Variants in ARSJ observed in about 807,000 individuals in gnomAD.
ARSJ encodes arylsulfatase J.
Under a neutral mutation model 35.9 loss-of-function variants are expected in ARSJ, and 26 were observed. The ratio of observed to expected loss-of-function variants is 0.72; its 90% CI spans 0.53 to 1.00. ARSJ has a LOEUF of 1.00. ARSJ is among the 50% of genes least tolerant of loss of function. The pLI is 0.00. For missense variants in ARSJ, 667 were observed against 723.6 expected, an observed-to-expected ratio of 0.92 and a Z score of 0.90; for synonymous variants, 294 against 267.6, an observed-to-expected ratio of 1.10 and a Z score of -0.96.
chr4:113,924,022 CATATAT>C (rs200292247), intron 1 of ARSJ, among the ~76,000 whole-genome samples: 2 of 134,440 alleles, frequency 1.5e-5, no homozygotes, highest in African/African-American at 5.8e-5. Context: ...ATAGAATCTA[CATATAT>C]ATATATAAAT....
intron 1 of ARSJ, among the ~76,000 whole-genome samples, chr4:113,942,207 T>C (rs1448497655): frequency 2.0e-5 from 3 of 151,988 alleles, no homozygotes; most frequent in Non-Finnish European, 4.4e-5. Context: ...CTTGAAGATA[T>C]AAACTACCTT....
chr4:113,978,593 A>T lies in ARSJ; in HGVS notation c.242T>A (p.Ile81Asn), dbSNP rs1727738007. Residue 81 changes from isoleucine (I) to asparagine (N), a missense_variant, in exon 1 of 2, where the codon ATC becomes AAC. By Grantham distance (149) the Ile-to-Asn change is moderately radical. Transcript: ENST00000315366. Reference sequence around the variant, plus strand: ...TCTAAATCCCTGATCATCCGCTAGGATGAAAATGAGATGGGGCTGGGAGGT... The same window carrying T: ...TCTAAATCCCTGATCATCCGCTAGGTTGAAAATGAGATGGGGCTGGGAGGT... ...TSTSQPHLIF[I>N]LADDQGFRDV... is the part of the protein sequence containing the mutation. 6.2e-7 allele frequency: 1 copy of T among 1,614,216 alleles called. No individual in the cohort carries two copies. The highest frequency in any genetic ancestry group is 1.6e-4 in the Middle Eastern group (1 of 6,062).
chr4:113,972,293 G>GAAAAAAA lies in ARSJ; in HGVS notation c.398+6137_398+6143dup, dbSNP rs750176630. ...TCATTACTTTCTAAGAGATGATCTG[G>GAAAAAAA]AAAAAAAAAAAAACAAAAAAAAAAA... On this transcript the variant is annotated intron_variant, in intron 1 of 1. Coordinates refer to ENST00000315366, the MANE Select transcript of ARSJ (RefSeq NM_024590.4). Among the ~76,000 whole-genome samples, 22 of 61,624 alleles carry GAAAAAAA rather than the reference G, an allele frequency of 3.6e-4. 1 individual carries two copies. The highest frequency in any genetic ancestry group is 9.2e-4 in the African/African-American group (16 of 17,424). 40.4% of individuals were successfully genotyped at this position (61,624 alleles called of 152,430 possible). A position where few individuals can be genotyped will look rare whatever the true frequency, so the allele number is the denominator to read the frequency against.
At chr4:113,917,202 G>T (rs557963243) in intron 1 of ARSJ, among the ~76,000 whole-genome samples, 35 of 152,244 alleles carry the variant, frequency 2.3e-4, no homozygotes, top group African/African-American at 7.5e-4. Flanking sequence ...GTTTCTTACA[G>T]TGTTGCTTCT....
intron 1 of ARSJ, among the ~76,000 whole-genome samples, chr4:113,922,335 A>C (rs1056899773): frequency 6.6e-6 from 1 of 152,308 alleles, no homozygotes; most frequent in South Asian, 2.1e-4. Context: ...GTAATTTAAC[A>C]CTTAATTTTC....
At chr4:113,918,131 A>G (rs1452876798) in intron 1 of ARSJ, among the ~76,000 whole-genome samples, 1 of 152,210 alleles carries the variant, frequency 6.6e-6, no homozygotes, top group Non-Finnish European at 1.5e-5. Flanking sequence ...GCAGTAACAA[A>G]GAAGAATATC....
At chr4:113,956,055 T>G (rs919675161) in intron 1 of ARSJ, among the ~76,000 whole-genome samples, 4 of 152,110 alleles carry the variant, frequency 2.6e-5, no homozygotes, top group Admixed American at 2.6e-4. Context: ...CCTCAAGTGA[T>G]CCTTCCACCT....
At chr4:113,961,897 C>CTGTGTG (rs60701922) in intron 1 of ARSJ, among the ~76,000 whole-genome samples, 1 of 148,034 alleles carries the variant, frequency 6.8e-6, no homozygotes, top group African/African-American at 2.5e-5. Flanking sequence ...CTCTCTCTCT[C>CTGTGTG]TGTGTGTGTG....
chr4:113,965,800 T>C (rs1726856026), intron 1 of ARSJ, among the ~76,000 whole-genome samples: 1 of 152,004 alleles, frequency 6.6e-6, no homozygotes, highest in South Asian at 2.1e-4. Context: ...AGTAAAAAAT[T>C]GATTTCAAAC....
At position 113,979,446 on chromosome 4, in the gene ARSJ, C is replaced by T. The variant is rs1446566561; in HGVS notation, c.-612G>A. On this transcript the variant is annotated 5_prime_UTR_variant, in exon 1 of 2. Coordinates refer to ENST00000315366, the MANE Select transcript of ARSJ (RefSeq NM_024590.4). ...TTTCCTAGGCGTTTGCCAATCTCCC[C>T]GACACTCACCAGGCGGCGAAGTGAG... is the stretch of plus-strand genomic sequence containing the variant. 1 of 152,464 alleles carries T rather than the reference C, an allele frequency of 6.6e-6. No individual in the cohort carries two copies. Among genetic ancestry groups the T allele is most frequent in the Non-Finnish European group, 1.5e-5 (1 of 68,222 alleles). The allele number at this position is 152,464 out of a possible 1,614,324, so 9.4% of individuals were successfully genotyped here.
chr4:113,964,651 G>C (rs1465897348), intron 1 of ARSJ, among the ~76,000 whole-genome samples: 1 of 151,946 alleles, frequency 6.6e-6, no homozygotes, highest in Non-Finnish European at 1.5e-5. Context: ...TAAACAGTTG[G>C]GAGAAAAATA....
At chr4:113,965,380 T>A (rs1364554621) in intron 1 of ARSJ, among the ~76,000 whole-genome samples, 1 of 152,122 alleles carries the variant, frequency 6.6e-6, no homozygotes, top group Admixed American at 6.6e-5. Context: ...AACAAACCCA[T>A]CCTGTCAGCC....
intron 1 of ARSJ, among the ~76,000 whole-genome samples, chr4:113,942,424 C>G (rs1725214684): frequency 6.6e-6 from 1 of 151,956 alleles, no homozygotes; most frequent in Admixed American, 6.6e-5. Context: ...ATGGCTGCAA[C>G]CTTTCACAAA....
At chr4:113,973,963 G>A (rs1727436725) in intron 1 of ARSJ, among the ~76,000 whole-genome samples, 1 of 152,160 alleles carries the variant, frequency 6.6e-6, no homozygotes, top group South Asian at 2.1e-4. Context: ...ATGAGAATTG[G>A]AATGGAAAAG....
intron 1 of ARSJ, among the ~76,000 whole-genome samples, chr4:113,965,123 A>G (rs984577664): frequency 1.3e-5 from 2 of 152,134 alleles, no homozygotes; most frequent in African/African-American, 4.8e-5. Context: ...CAATAAGAGA[A>G]ACATAGTTTG....
At chr4:113,918,702 A>G (rs1723473514) in intron 1 of ARSJ, among the ~76,000 whole-genome samples, 1 of 152,192 alleles carries the variant, frequency 6.6e-6, no homozygotes, top group Admixed American at 6.5e-5. Flanking sequence ...TGATTTTATG[A>G]TACAGTGTTT....
intron 1 of ARSJ, among the ~76,000 whole-genome samples, chr4:113,961,903 GT>G (rs1726568215): frequency 4.1e-4 from 1 of 2,412 alleles, no homozygotes; most frequent in African/African-American, 2.9e-3. Context: ...CTCTCTGTGT[GT>G]GTGTGTGTGT....
chr4:113,958,843 C>A (rs1207385295), intron 1 of ARSJ, among the ~76,000 whole-genome samples: 10 of 152,006 alleles, frequency 6.6e-5, no homozygotes, highest in Admixed American at 5.9e-4. Context: ...AAGCATATGT[C>A]TCTCTCTATC....
intron 1 of ARSJ, among the ~76,000 whole-genome samples, chr4:113,921,532 C>T (rs1017933291): frequency 1.3e-5 from 2 of 152,086 alleles, no homozygotes; most frequent in Non-Finnish European, 2.9e-5. Context: ...TAACCTTTAA[C>T]CAAGGCTCTG....
Sources: allele counts gnomAD v4.1 joint callset (sites outside exome capture counted in the v4.1 genomes callset), GRCh38; gene constraint gnomAD v4.1.1; transcripts MANE v1.5; gene names NCBI Gene and HGNC (gene_info 2026-07-23, HGNC 2026-07-21).